PABIR3: variants seen among roughly 807,000 people sequenced by gnomAD.
The protein encoded by PABIR3 is PABIR family member 1.
In PABIR3, 20 loss-of-function variants were observed where a neutral mutation model predicts 23.1. The ratio of observed to expected loss-of-function variants is 0.86; its 90% CI spans 0.61 to 1.26. The LOEUF is 1.26. Among genes scored for constraint, PABIR3 ranks in the 50% most tolerant of loss-of-function variants. PABIR3 has a pLI of 0.00. For synonymous variants in PABIR3, 69 were observed against 68.5 expected (o/e 1.01, Z -0.04); for missense variants, 189 against 195.4 (o/e 0.97, Z 0.20).
chrX:134,814,302 G>C (rs1169897954), intron 2 of PABIR3, among the ~76,000 whole-genome samples: 2 of 111,921 alleles, frequency 1.8e-5, no homozygotes, highest in Admixed American at 1.9e-4. Flanking sequence ...ATGGAGACTT[G>C]TTTAGGCCCA....
At chrX:134,814,104 C>T (rs977660697) in intron 2 of PABIR3, among the ~76,000 whole-genome samples, 4 of 111,202 alleles carry the variant, frequency 3.6e-5, no homozygotes, top group Admixed American at 9.6e-5. Flanking sequence ...GGTTATTCCT[C>T]GTATTCATGT....
chrX:134,857,959 ATACCT>A (rs765610178), downstream of PABIR3, among the ~76,000 whole-genome samples: 1 of 111,798 alleles, frequency 8.9e-6, no homozygotes, highest in Admixed American at 9.6e-5. Flanking sequence ...GATGAGTGAG[ATACCT>A]TATCTGTCTT....
chrX:134,801,127 G>A (rs1188168172), intron 1 of PABIR3, among the ~76,000 whole-genome samples: 1 of 112,320 alleles, frequency 8.9e-6, no homozygotes, highest in African/African-American at 3.2e-5. Flanking sequence ...TTTCAAGTTT[G>A]CAAAAGGTTT....
intron 3 of PABIR3, among the ~76,000 whole-genome samples, chrX:134,825,458 C>T (rs2081463275): frequency 8.9e-6 from 1 of 112,176 alleles, no homozygotes; most frequent in Admixed American, 9.5e-5. Flanking sequence ...GTTCATAACA[C>T]TATTGCCTAT....
downstream of PABIR3, among the ~76,000 whole-genome samples, chrX:134,858,841 A>T (rs1003164622): frequency 8.9e-6 from 1 of 111,897 alleles, no homozygotes; most frequent in Non-Finnish European, 1.9e-5. Context: ...TACATCATAT[A>T]GGAATCCCGG....
At chrX:134,834,214 C>T (rs747528064) in intron 4 of PABIR3, 3 of 112,420 alleles carry the variant, frequency 2.7e-5, no homozygotes, top group African/African-American at 9.7e-5. Flanking sequence ...GCCATTCTGA[C>T]TGGCATGAGA....
At chrX:134,837,834 C>A (rs780767491) in intron 4 of PABIR3, among the ~76,000 whole-genome samples, 91 of 112,042 alleles carry the variant, frequency 8.1e-4, no homozygotes, top group African/African-American at 2.9e-3. Context: ...TACTTGTTGA[C>A]CGAATGAACT....
At chrX:134,810,082 A>G in intron 2 of PABIR3, 2 of 754,108 alleles carry the variant, frequency 2.7e-6, no homozygotes, top group Non-Finnish European at 3.1e-6. Context: ...AGTAGGGAGA[A>G]TGTTGGATTT....
Position 134,814,763 on chromosome X carries a change from CT to C in PABIR3, c.111-3del. 9.4e-7 allele frequency: 1 copy of C among 1,062,515 alleles called. No individual in the cohort carries two copies. The highest frequency in any genetic ancestry group is 2.9e-5 in the Admixed American group (1 of 34,728). 87.6% of individuals were successfully genotyped at this position (1,062,515 alleles called of 1,213,427 possible). A position where few individuals can be genotyped will look rare whatever the true frequency, so the allele number is the denominator to read the frequency against. On this transcript the variant is annotated splice_region_variant and splice_polypyrimidine_tract_variant and intron_variant, in intron 2 of 10. Coordinates refer to ENST00000645433, the MANE Select transcript of PABIR3 (RefSeq NM_001388447.1). ...TTATATAACACATGTTTTTGTTTTT[CT>C]TTTTAGTTTTAATTCACAGGTGTTG...
downstream of PABIR3, among the ~76,000 whole-genome samples, chrX:134,857,881 T>G (rs2148380297): frequency 9.0e-6 from 1 of 111,455 alleles, no homozygotes; most frequent in East Asian, 2.8e-4. Context: ...TTTAAATATA[T>G]TCAATAAATA....
At chrX:134,808,057 C>A (rs1283362619) in intron 2 of PABIR3, 14 of 297,720 alleles carry the variant, frequency 4.7e-5, no homozygotes, top group Non-Finnish European at 7.6e-5. Context: ...TATCCTCCCC[C>A]ACTCACCTCC....
chrX:134,861,296 G>C, the PABIR3 span, among the ~76,000 whole-genome samples: 1 of 108,466 alleles, frequency 9.2e-6, no homozygotes, highest in Non-Finnish European at 1.9e-5. Context: ...GGAAATAGTA[G>C]TGATGGCTGC....
intron 4 of PABIR3, among the ~76,000 whole-genome samples, chrX:134,843,918 CTT>C (rs1196514400): frequency 3.0e-5 from 2 of 66,031 alleles, no homozygotes; most frequent in Middle Eastern, 0.011. Flanking sequence ...TATGCATGTT[CTT>C]TTTTTTTTTT....
chrX:134,838,660 CCCCCCTCCCCCCCT>C (rs1452648938), intron 4 of PABIR3: 1 of 6,469 alleles, frequency 1.5e-4, no homozygotes, highest in African/African-American at 1.2e-3. Flanking sequence ...CCCTCCCCCT[CCCCCCTCCCCCCCT>C]CCCCCCTCCC....
chrX:134,800,300 CAA>C (rs776778230), intron 1 of PABIR3, among the ~76,000 whole-genome samples: 2 of 75,103 alleles, frequency 2.7e-5, no homozygotes, highest in African/African-American at 4.7e-5. Flanking sequence ...GACTCCATCT[CAA>C]AAAAAAAAAA....
At chrX:134,806,508 C>T (rs1319297637), upstream of PABIR3, among the ~76,000 whole-genome samples, 2 of 108,551 alleles carry the variant, frequency 1.8e-5, no homozygotes, top group Non-Finnish European at 3.8e-5. Context: ...CCCAGCTACT[C>T]GGGAGGCTGA....
At chrX:134,820,443 G>A (rs1243593899) in intron 3 of PABIR3, among the ~76,000 whole-genome samples, 1 of 111,653 alleles carries the variant, frequency 9.0e-6, no homozygotes, top group Non-Finnish European at 1.9e-5. Context: ...GGCATCTAAA[G>A]TAGCCAAATT....
chrX:134,840,366 AC>A (rs1398639681), intron 4 of PABIR3, among the ~76,000 whole-genome samples: 4 of 111,095 alleles, frequency 3.6e-5, no homozygotes, highest in African/African-American at 9.8e-5. Flanking sequence ...AAAAAAAAAA[AC>A]AAAAAACAAA....
the PABIR3 span, among the ~76,000 whole-genome samples, chrX:134,864,578 G>T: frequency 1.8e-5 from 2 of 111,572 alleles, no homozygotes; most frequent in African/African-American, 6.5e-5. Flanking sequence ...ACTCTTTTGT[G>T]TCTGGTTATT....
Sources: gnomAD v4.1 joint callset for allele counts (sites outside exome capture counted in the v4.1 genomes callset) on GRCh38, gnomAD v4.1.1 for gene constraint, MANE v1.5 for transcripts, NCBI Gene and HGNC (gene_info 2026-07-23, HGNC 2026-07-21) for gene names.